The following SPATA22 variants were observed in gnomAD, a reference collection of about 807,000 sequenced individuals.
The protein encoded by SPATA22 is spermatogenesis associated 22, also known as spermatogenesis-associated protein 22.
In SPATA22, 29 loss-of-function variants were observed where a neutral mutation model predicts 47.8. That is an observed-to-expected ratio of 0.61 (90% confidence interval 0.45 to 0.83). SPATA22 has a LOEUF of 0.83. Ranked by LOEUF, SPATA22 falls within the 40% of genes least tolerant of loss-of-function variation. The probability of loss-of-function intolerance (pLI) is 0.00; values close to 1 mark genes in which losing one functional copy is unlikely to be tolerated. For missense variants in SPATA22, 410 were observed against 421.7 expected (o/e 0.97, Z 0.24); for synonymous variants, 133 against 140.9 (o/e 0.94, Z 0.40).
chr17:3,454,150 A>C (rs1049383411), intron 5 of SPATA22, among the ~76,000 whole-genome samples: 3 of 151,812 alleles, frequency 2.0e-5, no homozygotes, highest in Non-Finnish European at 4.4e-5. Context: ...TAAAATACTT[A>C]GGAATAAATG....
chr17:3,456,947 C>A (rs1188510804), intron 5 of SPATA22, among the ~76,000 whole-genome samples: 1 of 151,058 alleles, frequency 6.6e-6, no homozygotes, highest in East Asian at 2.0e-4. Context: ...AAGACAAAAA[C>A]CACATGATTA....
rs144345019 is a variant in SPATA22 at position 3,496,945 on chromosome 17, A to C, written c.-74+16467T>G. ...GCCGGGCATGGTGGCAGGCGCCTGTAATCCCAGCTACTCGGGAGCCTGAGG... is the reference window on the plus strand; with the variant it reads ...GCCGGGCATGGTGGCAGGCGCCTGTCATCCCAGCTACTCGGGAGCCTGAGG... On this transcript the variant is annotated intron_variant, in intron 1 of 8. Coordinates refer to the SPATA22 transcript ENST00000541913. 8.9e-3 allele frequency among the ~76,000 whole-genome samples: 1,352 copies of C among 152,310 alleles called. 19 individuals carry two copies. Among genetic ancestry groups the C allele is most frequent in the African/African-American group, 0.032 (1,313 of 41,564 alleles).
chr17:3,469,119 A>C (rs1052539929), intron 2 of SPATA22, among the ~76,000 whole-genome samples, 164 bp downstream of exon 2: 2 of 152,208 alleles, frequency 1.3e-5, no homozygotes, highest in Non-Finnish European at 2.9e-5. Context: ...CTACCACTAA[A>C]TGTTTTGTCT....
At chr17:3,478,588 T>G (rs1227533711) in intron 1 of SPATA22, among the ~76,000 whole-genome samples, 2 of 152,230 alleles carry the variant, frequency 1.3e-5, no homozygotes. Context: ...CAAATAGGTG[T>G]GAAATGGACT....
At chr17:3,442,736 C>T (rs992648713) in intron 8 of SPATA22, among the ~76,000 whole-genome samples, 1 of 151,898 alleles carries the variant, frequency 6.6e-6, no homozygotes, top group Non-Finnish European at 1.5e-5. Context: ...TCTTTCCCTC[C>T]CCAACACATT....
chr17:3,458,948 G>A (rs868625116), intron 5 of SPATA22, among the ~76,000 whole-genome samples: 10 of 149,822 alleles, frequency 6.7e-5, no homozygotes, highest in African/African-American at 1.7e-4. Flanking sequence ...AAGAGATAAC[G>A]GAATACTATT....
chr17:3,477,535 C>G (rs2150743002), intron 1 of SPATA22, among the ~76,000 whole-genome samples: 1 of 152,206 alleles, frequency 6.6e-6, no homozygotes, highest in South Asian at 2.1e-4. Flanking sequence ...CTCACTGCAG[C>G]CTCCACCTCC....
chr17:3,463,660 T>TA (rs150648149), intron 3 of SPATA22, among the ~76,000 whole-genome samples: 47,419 of 150,698 alleles, frequency 0.31, 9,437 homozygotes, highest in Non-Finnish European at 0.46. Context: ...GCTACATTTA[T>TA]AAAAAAAAAT....
At chr17:3,445,863 T>C (rs1261723887) in intron 7 of SPATA22, among the ~76,000 whole-genome samples, 1 of 152,106 alleles carries the variant, frequency 6.6e-6, no homozygotes, top group African/African-American at 2.4e-5. Context: ...CAGTTTCCCA[T>C]TGCTGCTTAC....
At chr17:3,482,935 C>A (rs892163079) in intron 1 of SPATA22, among the ~76,000 whole-genome samples, 2 of 109,438 alleles carry the variant, frequency 1.8e-5, no homozygotes, top group Admixed American at 2.1e-4. Flanking sequence ...TGCTATCCCT[C>A]CCCCCTCCCC....
chr17:3,489,355 G>A (rs1447431629), intron 1 of SPATA22: 1 of 1,569,298 alleles, frequency 6.4e-7, no homozygotes, highest in South Asian at 1.1e-5. Flanking sequence ...AAGTAATAAT[G>A]AAGGTAACGT....
At chr17:3,475,074 C>G (rs566614615), upstream of SPATA22, among the ~76,000 whole-genome samples, 41 of 152,312 alleles carry the variant, frequency 2.7e-4, no homozygotes, top group Non-Finnish European at 4.6e-4. Flanking sequence ...ATAAATTACT[C>G]TTATTGTACC....
intron 1 of SPATA22, among the ~76,000 whole-genome samples, chr17:3,481,307 G>A (rs565863365): frequency 2.1e-4 from 32 of 152,152 alleles, no homozygotes; most frequent in South Asian, 4.1e-4. Context: ...GATATGTTGC[G>A]TTCAAGATTG....
intron 1 of SPATA22, chr17:3,489,479 T>C: frequency 1.5e-6 from 1 of 688,380 alleles, no homozygotes; most frequent in Non-Finnish European, 2.6e-6. Flanking sequence ...TATTCCCCAA[T>C]GGCCAGGATA....
chr17:3,451,280 AC>A (rs1206362106), intron 5 of SPATA22, among the ~76,000 whole-genome samples: 1 of 152,224 alleles, frequency 6.6e-6, no homozygotes, highest in Non-Finnish European at 1.5e-5. Flanking sequence ...GAACATATAT[AC>A]ATCCAATATC....
intron 1 of SPATA22, among the ~76,000 whole-genome samples, chr17:3,470,779 G>A (rs2073414532): frequency 6.6e-6 from 1 of 150,748 alleles, no homozygotes; most frequent in Admixed American, 6.6e-5. Context: ...AACAACTTGG[G>A]AAACACGAGG....
chr17:3,465,633 C>CAA (rs1567603224), intron 3 of SPATA22, among the ~76,000 whole-genome samples: 1 of 151,170 alleles, frequency 6.6e-6, no homozygotes, highest in Admixed American at 6.6e-5. Flanking sequence ...CCCAGGGACA[C>CAA]AAACACTGCG....
At position 3,479,650 on chromosome 17, in the gene SPATA22, C is replaced by T. The variant is rs537384831; in HGVS notation, c.-73-10252G>A. Among the ~76,000 whole-genome samples, 4 of 152,130 alleles carry T rather than the reference C, an allele frequency of 2.6e-5. No homozygotes were observed. In the South Asian group the frequency reaches 6.2e-4, roughly 24 times the overall value. Reference sequence around the variant, plus strand: ...CCACCTTCCCCCTGCACCGACTCGACGTGGTCCCTTCTACCTTCCCAGTGC... The same window carrying T: ...CCACCTTCCCCCTGCACCGACTCGATGTGGTCCCTTCTACCTTCCCAGTGC... On this transcript the variant is annotated intron_variant, in intron 1 of 8. Coordinates refer to the SPATA22 transcript ENST00000541913.
At position 3,467,813 on chromosome 17, in the gene SPATA22, C is replaced by G. The variant is rs183123829; in HGVS notation, c.44-259G>C. Reference sequence around the variant, plus strand: ...ATATGGAAGTAATTCCCATCTCCCCCCTCATCCCCCAACCTTTCCAAATCC... The same window carrying G: ...ATATGGAAGTAATTCCCATCTCCCCGCTCATCCCCCAACCTTTCCAAATCC... On this transcript the variant is annotated intron_variant, in intron 2 of 8. Coordinates refer to ENST00000572969, the MANE Select transcript of SPATA22 (RefSeq NM_001170698.2). Among the ~76,000 whole-genome samples, 18 of 152,232 alleles carry G rather than the reference C, an allele frequency of 1.2e-4. No homozygotes were observed. In the East Asian group the frequency reaches 2.9e-3, roughly 25 times the overall value.
Sources: allele counts gnomAD v4.1 joint callset (sites outside exome capture counted in the v4.1 genomes callset), GRCh38; gene constraint gnomAD v4.1.1; transcripts MANE v1.5; gene names NCBI Gene and HGNC (gene_info 2026-07-23, HGNC 2026-07-21).